DTL: variants seen among roughly 807,000 people sequenced by gnomAD.
DTL encodes the protein denticleless E3 ubiquitin protein ligase adapter, also known as denticleless protein homolog.
A neutral mutation model predicts 87.0 loss-of-function variants in DTL; 46 were observed. That is an observed-to-expected ratio of 0.53 (90% CI 0.42 to 0.68). DTL has a LOEUF of 0.68. Among genes scored for constraint, DTL ranks in the 30% least tolerant of loss-of-function variants. DTL has a pLI of 0.00. For missense variants in DTL, 737 were observed against 869.4 expected (o/e 0.85, Z 1.91); for synonymous variants, 308 against 311.2 (o/e 0.99, Z 0.11).
chr1:212,038,710 C>T (rs1571934985), intron 1 of DTL, among the ~76,000 whole-genome samples: 2 of 152,274 alleles, frequency 1.3e-5, no homozygotes, highest in South Asian at 4.1e-4. Flanking sequence ...TCGGTTTATT[C>T]TCCACATTGC....
intron 5 of DTL, among the ~76,000 whole-genome samples, chr1:212,058,774 AAATC>A (rs1668252742): frequency 6.6e-6 from 1 of 152,112 alleles, no homozygotes; most frequent in African/African-American, 2.4e-5. Context: ...AAGATAAACA[AAATC>A]AATAAGGTAC....
rs1265781774 is a variant in DTL at position 212,058,206 on chromosome 1, C to T, written c.461-4678C>T. 2.0e-5 allele frequency among the ~76,000 whole-genome samples: 3 copies of T among 152,054 alleles called. No homozygotes were observed. The East Asian group carries it at 5.8e-4, about 29-fold the overall frequency. On this transcript the variant is annotated intron_variant, in intron 5 of 14. Coordinates refer to ENST00000366991, the MANE Select transcript of DTL (RefSeq NM_016448.4). ...AAACTGCACATTAGACCAAATGGACCTAAGAGATATTTACAGAACATTTCA... is the reference window on the plus strand; with the variant it reads ...AAACTGCACATTAGACCAAATGGACTTAAGAGATATTTACAGAACATTTCA...
chr1:212,039,869 G>T (rs1244613834), intron 1 of DTL, among the ~76,000 whole-genome samples: 3 of 152,198 alleles, frequency 2.0e-5, no homozygotes, highest in African/African-American at 7.2e-5. Context: ...ATGAATGGGA[G>T]CTTGCAGGAC....
At chr1:212,058,804 C>T (rs1007108796) in intron 5 of DTL, among the ~76,000 whole-genome samples, 10 of 150,540 alleles carry the variant, frequency 6.6e-5, no homozygotes, top group East Asian at 2.0e-4. Flanking sequence ...AGACTAACCA[C>T]GAAAAAAAAG....
At chr1:212,076,074 T>C (rs1343864985) in intron 11 of DTL, among the ~76,000 whole-genome samples, 1 of 152,206 alleles carries the variant, frequency 6.6e-6, no homozygotes, top group Non-Finnish European at 1.5e-5. Context: ...TAATATGCCA[T>C]TGTGTGGATA....
chr1:212,056,347 A>G (rs1316573542), intron 5 of DTL, among the ~76,000 whole-genome samples: 1 of 152,206 alleles, frequency 6.6e-6, no homozygotes. Context: ...AGTCTGCACT[A>G]AAAACCACAC....
intron 1 of DTL, among the ~76,000 whole-genome samples, chr1:212,039,922 G>C (rs1474846797): frequency 6.6e-6 from 1 of 152,200 alleles, no homozygotes; most frequent in South Asian, 2.1e-4. Flanking sequence ...TAGTCAGTCA[G>C]CACGAAGACC....
In DTL at chr1:212,100,733, T is replaced by C; in HGVS notation, c.1743T>C (p.Val581=). ...GTGTGACTGAGCTTGATGGCCAAGTTGAAAATCTTCATTTGGATCTGTGCT... is the reference window on the plus strand; with the variant it reads ...GTGTGACTGAGCTTGATGGCCAAGTCGAAAATCTTCATTTGGATCTGTGCT... ...CNCVTELDGQ[V]ENLHLDLCCL... is the part of the protein sequence containing the mutation. Residue 581 remains valine (V), a synonymous_variant, in exon 14 of 15, where the codon GTT becomes GTC. Transcript: ENST00000366991. 1 of 1,614,118 alleles carries C rather than the reference T, an allele frequency of 6.2e-7. No individual in the cohort carries two copies. Among genetic ancestry groups the C allele is most frequent in the Non-Finnish European group, 8.5e-7 (1 of 1,180,024 alleles).
At chr1:212,066,759 G>A (rs1319801309) in intron 7 of DTL, 53 bp from the exon 8 acceptor site, 1 of 1,560,514 alleles carries the variant, frequency 6.4e-7, no homozygotes, top group African/African-American at 1.4e-5. Flanking sequence ...TTCCCTTGAT[G>A]GTAAAGATTA....
chr1:212,100,163 T>C lies in DTL; in HGVS notation c.1262-89T>C, dbSNP rs2102588634. On this transcript the variant is annotated intron_variant, in intron 13 of 14. Coordinates refer to ENST00000366991, the MANE Select transcript of DTL (RefSeq NM_016448.4). ...TACTGGCAAATTGACCCTTAGATGA[T>C]TAGGTTAGCTATGATTTTTCTTGAT... The C allele has an allele frequency of 1.2e-5, 12 of 964,372 alleles. 1 individual carries two copies. Among genetic ancestry groups the C allele is most frequent in the Middle Eastern group, 4.4e-4 (2 of 4,536 alleles). 59.7% of individuals were successfully genotyped at this position (964,372 alleles called of 1,614,324 possible). A position where few individuals can be genotyped will look rare whatever the true frequency, so the allele number is the denominator to read the frequency against.
intron 1 of DTL, among the ~76,000 whole-genome samples, chr1:212,042,704 A>G (rs1370773828): frequency 6.6e-6 from 1 of 152,190 alleles, no homozygotes; most frequent in African/African-American, 2.4e-5. Flanking sequence ...ATCTTTCTTA[A>G]TATGCAGAGG....
intron 13 of DTL, among the ~76,000 whole-genome samples, chr1:212,092,098 T>C (rs1655301847): frequency 6.6e-6 from 1 of 152,206 alleles, no homozygotes; most frequent in African/African-American, 2.4e-5. Context: ...ATGTGTAGTC[T>C]TTTATCCCTT....
At chr1:212,097,152 C>G (rs1655475628) in intron 13 of DTL, among the ~76,000 whole-genome samples, 1 of 152,118 alleles carries the variant, frequency 6.6e-6, no homozygotes, top group South Asian at 2.1e-4. Flanking sequence ...ATTTTGTCAG[C>G]TAATAATTAT....
chr1:212,098,630 G>A (rs937950421), intron 13 of DTL, among the ~76,000 whole-genome samples: 5 of 151,966 alleles, frequency 3.3e-5, no homozygotes, highest in Admixed American at 1.3e-4. Flanking sequence ...ATGGAGTTAC[G>A]TTCTAAGGGA....
chr1:212,069,881 T>C (rs1654620549), intron 10 of DTL, among the ~76,000 whole-genome samples: 1 of 152,114 alleles, frequency 6.6e-6, no homozygotes, highest in Non-Finnish European at 1.5e-5. Flanking sequence ...TACAGAATTT[T>C]CCAAAGATCA....
chr1:212,073,835 A>G (rs1654751724), intron 11 of DTL, among the ~76,000 whole-genome samples: 1 of 152,080 alleles, frequency 6.6e-6, no homozygotes, highest in Non-Finnish European at 1.5e-5. Context: ...TTGAGATTTT[A>G]AGTTTAACAA....
intron 13 of DTL, among the ~76,000 whole-genome samples, chr1:212,095,405 G>T (rs529605643): frequency 6.6e-6 from 1 of 152,076 alleles, no homozygotes; most frequent in African/African-American, 2.4e-5. Context: ...CCCAGGCTGG[G>T]GTGCAGTGGT....
At chr1:212,055,180 A>G (rs1421590438) in intron 5 of DTL, among the ~76,000 whole-genome samples, 1 of 149,818 alleles carries the variant, frequency 6.7e-6, no homozygotes, top group Non-Finnish European at 1.5e-5. Context: ...AGGAGAGAAA[A>G]GTAAAGCAGC....
chr1:212,062,826 T>C, intron 5 of DTL, 58 bp from the exon 6 acceptor site: 1 of 1,390,476 alleles, frequency 7.2e-7, no homozygotes, highest in East Asian at 2.3e-5. Flanking sequence ...TAAACTGAAA[T>C]ATATGTGTCA....
Sources: allele counts gnomAD v4.1 joint callset (sites outside exome capture counted in the v4.1 genomes callset), GRCh38; gene constraint gnomAD v4.1.1; transcripts MANE v1.5; gene names NCBI Gene and HGNC (gene_info 2026-07-23, HGNC 2026-07-21).